Variants in LRCH1 observed in about 807,000 individuals in gnomAD.
The protein encoded by LRCH1 is leucine rich repeats and calponin homology domain containing 1.
Under a neutral mutation model 94.9 loss-of-function variants are expected in LRCH1, and 23 were observed. The observed-to-expected ratio is 0.24, with a 90% CI of 0.17 to 0.34. The LOEUF is 0.34. LRCH1 is among the 10% of genes least tolerant of loss of function. The probability of loss-of-function intolerance (pLI) is 1.00; values close to 1 mark genes in which losing one functional copy is unlikely to be tolerated. For synonymous variants in LRCH1, 364 were observed against 354.9 expected, an observed-to-expected ratio of 1.03 and a Z score of -0.29; for missense variants, 790 against 945.9, an observed-to-expected ratio of 0.84 and a Z score of 2.16.
At chr13:46,563,381 A>G (rs2050149824) in intron 1 of LRCH1, among the ~76,000 whole-genome samples, 1 of 152,192 alleles carries the variant, frequency 6.6e-6, no homozygotes, top group Admixed American at 6.5e-5. Flanking sequence ...AGTGATTAAA[A>G]ATAGGGTTTC....
At chr13:46,677,142 G>A (rs2051685295) in intron 3 of LRCH1, among the ~76,000 whole-genome samples, 1 of 151,818 alleles carries the variant, frequency 6.6e-6, no homozygotes, top group African/African-American at 2.4e-5. Context: ...GGGCACGGTG[G>A]CTCACGCCTG....
At chr13:46,726,921 T>C (rs961825538) in intron 17 of LRCH1, among the ~76,000 whole-genome samples, 38 of 136,080 alleles carry the variant, frequency 2.8e-4, no homozygotes, top group African/African-American at 9.8e-4. Flanking sequence ...GGATCCAGAG[T>C]CTCATAACAT....
At chr13:46,610,921 AC>A (rs2050741208) in intron 1 of LRCH1, among the ~76,000 whole-genome samples, 1 of 152,222 alleles carries the variant, frequency 6.6e-6, no homozygotes, top group Admixed American at 6.5e-5. Context: ...GAAAAATGGT[AC>A]AGAATGTAAT....
At chr13:46,681,147 A>G (rs1240854119) in intron 3 of LRCH1, among the ~76,000 whole-genome samples, 1 of 152,234 alleles carries the variant, frequency 6.6e-6, no homozygotes, top group Non-Finnish European at 1.5e-5. Context: ...GTGTATGGCA[A>G]GGTGGTCAGC....
intron 1 of LRCH1, among the ~76,000 whole-genome samples, chr13:46,609,181 T>A (rs2050719839): frequency 6.6e-6 from 1 of 152,258 alleles, no homozygotes. Flanking sequence ...TCTGTTCTGC[T>A]GTGCTCGGCC....
At chr13:46,637,797 A>G (rs1319176897) in intron 1 of LRCH1, among the ~76,000 whole-genome samples, 1 of 151,394 alleles carries the variant, frequency 6.6e-6, no homozygotes, top group Non-Finnish European at 1.5e-5. Context: ...TGTTTGTATC[A>G]CCCCACTGGA....
chr13:46,651,950 C>T (rs200873166), intron 2 of LRCH1, among the ~76,000 whole-genome samples: 45 of 137,214 alleles, frequency 3.3e-4, no homozygotes, highest in East Asian at 1.6e-3. Flanking sequence ...TGCAGTGGCG[C>T]GATCTCGGCT....
chr13:46,720,857 T>C (rs968008515), intron 16 of LRCH1, among the ~76,000 whole-genome samples: 1 of 152,226 alleles, frequency 6.6e-6, no homozygotes. Flanking sequence ...AGAGATTGCC[T>C]TAAGTTCTCT....
At chr13:46,593,294 T>C (rs1566163921) in intron 1 of LRCH1, among the ~76,000 whole-genome samples, 1 of 148,142 alleles carries the variant, frequency 6.8e-6, no homozygotes, top group Non-Finnish European at 1.5e-5. Flanking sequence ...TTTTTTTTTT[T>C]TTTTTTTGTC....
chr13:46,612,524 C>T (rs1464553175), intron 1 of LRCH1, among the ~76,000 whole-genome samples: 1 of 152,188 alleles, frequency 6.6e-6, no homozygotes, highest in Non-Finnish European at 1.5e-5. Context: ...TTTGTTGAAT[C>T]TCCTGCCTCT....
At chr13:46,723,940 G>C (rs181066757) in intron 17 of LRCH1, among the ~76,000 whole-genome samples, 30 of 152,112 alleles carry the variant, frequency 2.0e-4, no homozygotes, top group Non-Finnish European at 3.7e-4. Flanking sequence ...TTAATGCCCT[G>C]TCATTTATTT....
At position 46,712,539 on chromosome 13, in the gene LRCH1, C is replaced by G; in HGVS notation, c.1596C>G (p.Ser532=). Residue 532 remains serine, a synonymous_variant, in exon 15 of 20, where the codon TCC becomes TCG. Coordinates refer to ENST00000389797, the MANE Select transcript of LRCH1 (RefSeq NM_001164211.2). Reference sequence around the variant, plus strand: ...CAACACCACAGATTAGAGAGAACTCCCCTGCAGTCTCTCCTACCACAAACA... The same window carrying G: ...CAACACCACAGATTAGAGAGAACTCGCCTGCAGTCTCTCCTACCACAAACA... ...QYSPNEIREN[S]PAVSPTTNST... The G allele has an allele frequency of 6.2e-7, 1 of 1,613,368 alleles. No individual in the cohort carries two copies. Among genetic ancestry groups the G allele is most frequent in the Admixed American group, 1.7e-5 (1 of 60,020 alleles).
chr13:46,587,265 A>G (rs377467095), intron 1 of LRCH1, among the ~76,000 whole-genome samples: 33 of 152,202 alleles, frequency 2.2e-4, no homozygotes, highest in African/African-American at 8.0e-4. Flanking sequence ...TATGTGGCAC[A>G]CTTTCTTCAG....
chr13:46,682,414 A>ACAGT (rs1236448448), intron 4 of LRCH1, among the ~76,000 whole-genome samples: 1 of 152,176 alleles, frequency 6.6e-6, no homozygotes, highest in Admixed American at 6.5e-5. Flanking sequence ...ATTTCCAAAT[A>ACAGT]CAGTCACATT....
intron 1 of LRCH1, among the ~76,000 whole-genome samples, chr13:46,590,838 A>G (rs932098240): frequency 1.3e-5 from 2 of 152,168 alleles, no homozygotes; most frequent in Non-Finnish European, 2.9e-5. Flanking sequence ...ACTCCCTTCT[A>G]GTCTTCATAT....
rs1165152772 is a variant in LRCH1 at position 46,705,094 on chromosome 13, G to C, written c.1427G>C (p.Ser476Thr). ...TTAAGCACAGATATTACAGAGAGAA[G>C]TGTTTTAAACCTATATCCTATGGGA... ...NGLSTDITER[S>T]VLNLYPMGSA... Residue 476 changes from serine (S) to threonine (T), a missense_variant, in exon 12 of 20, where the codon AGT (serine) becomes ACT (threonine). By Grantham distance (58) the Ser-to-Thr change is moderately conservative (BLOSUM62 1). Coordinates refer to ENST00000389797, the MANE Select transcript of LRCH1 (RefSeq NM_001164211.2). The C allele has an allele frequency of 6.2e-7, 1 of 1,600,326 alleles. No individual in the cohort carries two copies. Among genetic ancestry groups the C allele is most frequent in the South Asian group, 1.1e-5 (1 of 88,180 alleles).
chr13:46,573,643 G>A (rs7998575), intron 1 of LRCH1, among the ~76,000 whole-genome samples: 1,665 of 151,556 alleles, frequency 0.011, 26 homozygotes, highest in African/African-American at 0.038. Flanking sequence ...GACAAACTTC[G>A]CATGTTCTCA....
chr13:46,614,681 T>G (rs919960214), intron 1 of LRCH1, among the ~76,000 whole-genome samples: 1 of 152,226 alleles, frequency 6.6e-6, no homozygotes, highest in African/African-American at 2.4e-5. Context: ...CTGTGTATTC[T>G]CCTTGTTTCA....
At chr13:46,557,033 A>T (rs955427937) in intron 1 of LRCH1, among the ~76,000 whole-genome samples, 3 of 152,218 alleles carry the variant, frequency 2.0e-5, no homozygotes, top group Admixed American at 6.5e-5. Flanking sequence ...TTTTATAAAT[A>T]CACAGATTGC....
Sources: gnomAD v4.1 joint callset for allele counts (sites outside exome capture counted in the v4.1 genomes callset) on GRCh38, gnomAD v4.1.1 for gene constraint, MANE v1.5 for transcripts, NCBI Gene and HGNC (gene_info 2026-07-23, HGNC 2026-07-21) for gene names.